Variants in MLLT6 observed in about 807,000 individuals in gnomAD.
MLLT6 encodes the protein MLLT6, PHD finger containing.
Under a neutral mutation model 103.0 loss-of-function variants are expected in MLLT6, and 22 were observed. That is an observed-to-expected ratio of 0.21 (90% CI 0.15 to 0.31). MLLT6 has a LOEUF of 0.31. Among genes scored for constraint, MLLT6 ranks in the 10% least tolerant of loss-of-function variants. The pLI is 1.00. For missense variants in MLLT6, 1,199 were observed against 1,441.7 expected (o/e 0.83, Z 2.73); for synonymous variants, 606 against 623.5 (o/e 0.97, Z 0.42).
rs1905344065 is a variant in MLLT6 at position 38,716,346 on chromosome 17, CTG to C, written c.1037-19_1037-18del. 2 of 1,596,308 alleles carry C rather than the reference CTG, an allele frequency of 1.3e-6. No individual in the cohort carries two copies. The highest frequency in any genetic ancestry group is 2.7e-5 in the African/African-American group (2 of 73,546). ...GCGGGGATCTGGGGTCCAGCTGTAA[CTG>C]TTTCCCCTCTGTGCACAGTCTCGTC... On this transcript the variant is annotated intron_variant, in intron 9 of 19. Transcript: ENST00000621332. The surrounding 1 kb of genome is among the most constrained non-coding windows in gnomAD (Gnocchi z 5.6).
Position 38,725,151 on chromosome 17 carries a change from C to T in MLLT6, c.3240+175C>T, listed in dbSNP as rs573726741. ...GCTTGCACATGGGTGCCCTCCTGCA[C>T]GGCCAAGAAAGATCCGATCTGAGCA... On this transcript the variant is annotated intron_variant, in intron 19 of 19. Transcript: ENST00000621332. The T allele has an allele frequency of 9.2e-5, 53 of 574,902 alleles. 1 individual carries two copies. In the Admixed American group the frequency reaches 1.2e-3, roughly 13 times the overall value. 35.6% of individuals were successfully genotyped at this position (574,902 alleles called of 1,614,324 possible). A position where few individuals can be genotyped will look rare whatever the true frequency, so the allele number is the denominator to read the frequency against.
At position 38,709,293 on chromosome 17, in the gene MLLT6, A is replaced by AC; in HGVS notation, c.458+23dup. 2.5e-6 allele frequency: 4 copies of AC among 1,601,804 alleles called. No homozygotes were observed. The highest frequency in any genetic ancestry group is 3.4e-6 in the Non-Finnish European group (4 of 1,169,072). On this transcript the variant is annotated intron_variant, in intron 5 of 19. Coordinates refer to ENST00000621332, the MANE Select transcript of MLLT6 (RefSeq NM_005937.4). The surrounding 1 kb of genome is among the most constrained non-coding windows in gnomAD (Gnocchi z 4.3). ...CGTCACCTGGTGAGACCCCTGTCCC[A>AC]CCCCCCTGCCCCCCGGGTTTGTCCT...
chr17:38,711,818 T>C (rs770532172), intron 6 of MLLT6, 29 bp from the exon 7 acceptor site: 1 of 1,491,786 alleles, frequency 6.7e-7, no homozygotes, highest in Non-Finnish European at 9.0e-7. Flanking sequence ...AGAAGAGGGT[T>C]TGCAATTTCT....
intron 1 of MLLT6, 131 bp from the exon 2 acceptor site, chr17:38,706,819 C>G (rs887294726): frequency 1.5e-6 from 1 of 670,456 alleles, no homozygotes; most frequent in Non-Finnish European, 2.6e-6. Flanking sequence ...GTGAGTGACC[C>G]GTAGACTGGG....
At chr17:38,717,694 T>C (rs1905425764) in intron 11 of MLLT6, 81 bp downstream of exon 11, 1 of 1,510,994 alleles carries the variant, frequency 6.6e-7, no homozygotes, top group East Asian at 2.3e-5. Flanking sequence ...TCCATGGGAA[T>C]TGGAGCAACT....
intron 6 of MLLT6, among the ~76,000 whole-genome samples, chr17:38,710,985 C>T (rs904914907): frequency 3.9e-5 from 6 of 152,006 alleles, no homozygotes; most frequent in African/African-American, 7.3e-5. Flanking sequence ...AGGCTGGGGC[C>T]GTAATCCCAG....
chr17:38,728,868 C>A lies in MLLT6; in HGVS notation c.*3270C>A, dbSNP rs937660296. On this transcript the variant is annotated 3_prime_UTR_variant, in exon 20 of 20. Transcript: ENST00000621332. ...CTGTCTTAGCTCAGAGCTGGTGGAT[C>A]CTCTCCATGGACAATGACACTTTAA... 1.3e-5 allele frequency: 3 copies of A among 233,818 alleles called. No individual in the cohort carries two copies. The highest frequency in any genetic ancestry group is 5.6e-5 in the Admixed American group (1 of 17,788). The allele number at this position is 233,818 out of a possible 1,614,324, so 14.5% of individuals were successfully genotyped here.
Position 38,727,137 on chromosome 17 carries a change from T to G in MLLT6, c.*1539T>G, listed in dbSNP as rs964312569. On this transcript the variant is annotated 3_prime_UTR_variant, in exon 20 of 20. Transcript: ENST00000621332. ...TGTTTGGGTTTTTGTTGTTGGGTTT[T>G]TTTTTTTTTTTTAATAAAGAAAAGA... 13 of 232,444 alleles carry G rather than the reference T, an allele frequency of 5.6e-5. No individual in the cohort carries two copies. Among genetic ancestry groups the G allele is most frequent in the African/African-American group, 2.2e-4 (10 of 45,228 alleles). The allele number at this position is 232,444 out of a possible 1,614,324, so 14.4% of individuals were successfully genotyped here. A position where few individuals can be genotyped will look rare whatever the true frequency, so the allele number is the denominator to read the frequency against.
chr17:38,720,549 C>G lies in MLLT6; in HGVS notation c.2333C>G (p.Pro778Arg). ...GCCGCCAACGGCCCTGTCCCTGGGCCCTATGGCCTGCCTCCCCAAGGTGAG... is the reference window on the plus strand; with the variant it reads ...GCCGCCAACGGCCCTGTCCCTGGGCGCTATGGCCTGCCTCCCCAAGGTGAG... ...LPAANGPVPG[P>R]YGLPPQAGSS... Residue 778 changes from proline (P) to arginine (R), a missense_variant, in exon 15 of 20, where the codon CCC becomes CGC. Pro to Arg is a moderately radical substitution (Grantham distance 103). Coordinates refer to ENST00000621332, the MANE Select transcript of MLLT6 (RefSeq NM_005937.4). The G allele has an allele frequency of 6.2e-7, 1 of 1,612,242 alleles. No homozygotes were observed. The highest frequency in any genetic ancestry group is 1.7e-5 in the Admixed American group (1 of 59,836).
intron 1 of MLLT6, chr17:38,706,735 T>C (rs1904941393): frequency 2.4e-6 from 1 of 423,202 alleles, no homozygotes; most frequent in African/African-American, 2.0e-5. Context: ...AGACTCAGAC[T>C]TCCCGCCCTG....
rs563118298 is a variant in MLLT6 at position 38,722,785 on chromosome 17, C to T, written c.2883+17C>T. 1.3e-6 allele frequency: 2 copies of T among 1,593,394 alleles called. No individual in the cohort carries two copies. Among genetic ancestry groups the T allele is most frequent in the African/African-American group, 1.3e-5 (1 of 74,600 alleles). Reference sequence around the variant, plus strand: ...CTGACCCCGGTAATGCCCCTCCCTTCCCTGCCTCAGGTGCCCCTTGGTCTG... The same window carrying T: ...CTGACCCCGGTAATGCCCCTCCCTTTCCTGCCTCAGGTGCCCCTTGGTCTG... On this transcript the variant is annotated intron_variant, in intron 18 of 19. Transcript: ENST00000621332.
Position 38,706,811 on chromosome 17 carries a change from G to T in MLLT6, c.110-139G>T, listed in dbSNP as rs1456323549. On this transcript the variant is annotated intron_variant, in intron 1 of 19. Transcript: ENST00000621332. ...CGGTTGGGCAGTCCTGCTGTAGAGT[G>T]AGTGACCCGTAGACTGGGGAGCAGC... 4.9e-6 allele frequency: 3 copies of T among 617,058 alleles called. No individual in the cohort carries two copies. In the East Asian group the frequency reaches 8.9e-5, roughly 18 times the overall value. The allele number at this position is 617,058 out of a possible 1,614,324, so 38.2% of individuals were successfully genotyped here. A position where few individuals can be genotyped will look rare whatever the true frequency, so the allele number is the denominator to read the frequency against.
At chr17:38,715,442 A>T in intron 8 of MLLT6, 170 bp from the exon 9 acceptor site, 1 of 1,177,318 alleles carries the variant, frequency 8.5e-7, no homozygotes, top group Non-Finnish European at 1.1e-6. Flanking sequence ...GCCTCCCCAT[A>T]TCCCTGGTCT....
In MLLT6 at chr17:38,709,921, T is replaced by C. The variant is rs139963190; in HGVS notation, c.552+346T>C. On this transcript the variant is annotated intron_variant, in intron 6 of 19. Transcript: ENST00000621332. The surrounding 1 kb of genome is among the most constrained non-coding windows in gnomAD (Gnocchi z 4.3). Reference sequence around the variant, plus strand: ...GGCAGCATTTACTACGCCTCCGCCTTAGGACAAAGTTCCTGCCATGTGTTA... The same window carrying C: ...GGCAGCATTTACTACGCCTCCGCCTCAGGACAAAGTTCCTGCCATGTGTTA... Among the ~76,000 whole-genome samples the C allele has an allele frequency of 3.9e-4, 59 of 152,328 alleles. No individual in the cohort carries two copies. The highest frequency in any genetic ancestry group is 1.1e-3 in the African/African-American group (44 of 41,582).
intron 8 of MLLT6, 115 bp from the exon 9 acceptor site, chr17:38,715,497 A>G: frequency 7.0e-7 from 1 of 1,425,390 alleles, no homozygotes. Flanking sequence ...TCATGAAACT[A>G]GCTGTGGGCT....
intron 14 of MLLT6, 36 bp from the exon 15 acceptor site, chr17:38,720,336 C>T: frequency 6.6e-7 from 1 of 1,520,132 alleles, no homozygotes; most frequent in Non-Finnish European, 8.9e-7. Context: ...CCTCCGCCCC[C>T]TCGCCCCTCC....
rs1904857175 is a variant in MLLT6, at chr17:38,705,430, C to G, written c.-203C>G. The G allele has an allele frequency of 5.2e-6, 2 of 386,666 alleles. No individual in the cohort carries two copies. Among genetic ancestry groups the G allele is most frequent in the Non-Finnish European group, 9.4e-6 (2 of 212,578 alleles). 24.0% of individuals were successfully genotyped at this position (386,666 alleles called of 1,614,324 possible). On this transcript the variant is annotated 5_prime_UTR_variant, in exon 1 of 20. Coordinates refer to ENST00000621332, the MANE Select transcript of MLLT6 (RefSeq NM_005937.4). ...GAGGGCGAGAGCACGGCGGGGGGGGCGGCCAGACAGAGCGAGCGAGGAGGA... is the reference window on the plus strand; with the variant it reads ...GAGGGCGAGAGCACGGCGGGGGGGGGGGCCAGACAGAGCGAGCGAGGAGGA...
At chr17:38,721,049 T>TGA (rs1287468138) in intron 16 of MLLT6, 1 of 499,092 alleles carries the variant, frequency 2.0e-6, no homozygotes, top group Non-Finnish European at 3.6e-6. Context: ...TTGAGGGCTG[T>TGA]GAGAGAGAGA....
rs541988622 is a variant in MLLT6, at chr17:38,716,129, G to A, written c.1037-238G>A. ...CCCATTAACATTTTCTCCTATAATC[G>A]CTACAGTCATCTGGTGAGGCCAGTA... is the stretch of plus-strand genomic sequence containing the variant. On this transcript the variant is annotated intron_variant, in intron 9 of 19. Coordinates refer to ENST00000621332, the MANE Select transcript of MLLT6 (RefSeq NM_005937.4). This position sits in a 1 kb window ranked among gnomAD's most constrained non-coding sequence, Gnocchi z 5.6. The A allele has an allele frequency of 2.1e-4, 127 of 598,998 alleles. No homozygotes were observed. Among genetic ancestry groups the A allele is most frequent in the Middle Eastern group, 7.1e-4 (2 of 2,802 alleles). 37.1% of individuals were successfully genotyped at this position (598,998 alleles called of 1,614,324 possible). A position where few individuals can be genotyped will look rare whatever the true frequency, so the allele number is the denominator to read the frequency against.
Sources: gnomAD v4.1 joint callset for allele counts (sites outside exome capture counted in the v4.1 genomes callset) on GRCh38, gnomAD v4.1.1 for gene constraint, Gnocchi (gnomAD v3.1) non-coding constraint, MANE v1.5 for transcripts, NCBI Gene and HGNC (gene_info 2026-07-23, HGNC 2026-07-21) for gene names.